The following DDAH1 variants were observed in gnomAD, a reference collection of about 807,000 sequenced individuals.
The protein encoded by DDAH1 is dimethylarginine dimethylaminohydrolase 1.
DDAH1 carries 19 observed loss-of-function variants against 28.8 expected under a neutral mutation model. That is an observed-to-expected ratio of 0.66 (90% CI 0.46 to 0.97). The LOEUF is 0.97. DDAH1 is among the 50% of genes least tolerant of loss of function. DDAH1 has a pLI of 0.00. For synonymous variants in DDAH1, 153 were observed against 154.4 expected, an observed-to-expected ratio of 0.99 and a Z score of 0.07; for missense variants, 326 against 375.9, an observed-to-expected ratio of 0.87 and a Z score of 1.10.
chr1:85,492,574 C>T (rs912008901), intron 2 of DDAH1, among the ~76,000 whole-genome samples: 3 of 152,068 alleles, frequency 2.0e-5, no homozygotes, highest in Non-Finnish European at 4.4e-5. Context: ...GATATCAGCA[C>T]GTGGAATTTC....
chr1:85,496,396 T>C (rs1238316212), intron 1 of DDAH1: 2 of 170,404 alleles, frequency 1.2e-5, no homozygotes, highest in Admixed American at 6.5e-5. Flanking sequence ...GAAAATTCAC[T>C]AAGGAAGAGC....
At chr1:85,548,298 C>T (rs1658685313) in intron 1 of DDAH1, among the ~76,000 whole-genome samples, 1 of 152,152 alleles carries the variant, frequency 6.6e-6, no homozygotes, top group African/African-American at 2.4e-5. Flanking sequence ...GTATAATTGT[C>T]ATCCACATTT....
chr1:85,340,517 T>A (rs1184906491), intron 4 of DDAH1, among the ~76,000 whole-genome samples: 1 of 152,084 alleles, frequency 6.6e-6, no homozygotes, highest in African/African-American at 2.4e-5. Flanking sequence ...TTTTTCTCCC[T>A]TTAAAGTCCA....
chr1:85,421,298 A>C (rs949235355), intron 1 of DDAH1, among the ~76,000 whole-genome samples: 1 of 152,168 alleles, frequency 6.6e-6, no homozygotes, highest in African/African-American at 2.4e-5. Context: ...TTTGTGTTGT[A>C]TCTTTTGTTT....
At chr1:85,338,905 G>A (rs971538654) in intron 4 of DDAH1, among the ~76,000 whole-genome samples, 1 of 151,644 alleles carries the variant, frequency 6.6e-6, no homozygotes, top group African/African-American at 2.4e-5. Context: ...AAATTAGCTG[G>A]GCGTGGTTGT....
intron 1 of DDAH1, among the ~76,000 whole-genome samples, chr1:85,397,988 C>T (rs1023914038): frequency 9.2e-6 from 1 of 109,020 alleles, no homozygotes; most frequent in African/African-American, 3.5e-5. Flanking sequence ...CCAAATAAAC[C>T]TCTTTTTTTT....
intron 1 of DDAH1, among the ~76,000 whole-genome samples, chr1:85,538,645 C>T (rs1250620831): frequency 5.9e-5 from 9 of 152,134 alleles, no homozygotes; most frequent in Non-Finnish European, 1.3e-4. Flanking sequence ...AAAAGAACAA[C>T]TCAAAGCTAC....
At chr1:85,379,127 C>A (rs1360126627) in intron 1 of DDAH1, among the ~76,000 whole-genome samples, 1 of 152,168 alleles carries the variant, frequency 6.6e-6, no homozygotes, top group Non-Finnish European at 1.5e-5. Flanking sequence ...CTCAAGGGAA[C>A]CGTATAATAT....
intron 1 of DDAH1, among the ~76,000 whole-genome samples, chr1:85,498,878 C>T (rs561878486): frequency 2.6e-5 from 4 of 152,084 alleles, no homozygotes; most frequent in Middle Eastern, 3.4e-3. Flanking sequence ...ACAGAGATCA[C>T]GCCACTGCCT....
chr1:85,537,331 C>G (rs2100781018), intron 1 of DDAH1, among the ~76,000 whole-genome samples: 1 of 150,640 alleles, frequency 6.6e-6, no homozygotes, highest in South Asian at 2.1e-4. Flanking sequence ...GAGGACCTGT[C>G]TCAAAAATAA....
intron 1 of DDAH1, among the ~76,000 whole-genome samples, chr1:85,533,376 G>T (rs1339057672): frequency 1.3e-5 from 2 of 150,982 alleles, no homozygotes; most frequent in South Asian, 4.2e-4. Flanking sequence ...TCACTATATT[G>T]TCCAGGGTGG....
chr1:85,344,622 A>AT lies in DDAH1; in HGVS notation c.597+5792dup, dbSNP rs1333327145. Among the ~76,000 whole-genome samples the AT allele has an allele frequency of 1.8e-3, 276 of 150,396 alleles. 1 individual carries two copies. The highest frequency in any genetic ancestry group is 3.0e-3 in the Non-Finnish European group (200 of 67,594). ...CCTTCATCTTTCCTTCCTTAAGAAA[A>AT]TTTTTTTTTCTCCAATTGACTGGAA... On this transcript the variant is annotated intron_variant, in intron 4 of 5. Transcript: ENST00000284031.
intron 1 of DDAH1, among the ~76,000 whole-genome samples, chr1:85,401,501 CTTTT>C (rs34520534): frequency 1.2e-4 from 12 of 103,352 alleles, no homozygotes; most frequent in African/African-American, 3.8e-4. Context: ...TTTTTTCTTT[CTTTT>C]TTTTTTTTTT....
chr1:85,465,233 G>A (rs1240787978), upstream of DDAH1: 1 of 1,105,782 alleles, frequency 9.0e-7, no homozygotes, highest in Non-Finnish European at 1.1e-6. Flanking sequence ...CCGGGCGCCG[G>A]CCCGCGCGCA....
chr1:85,514,231 G>T (rs1232362042), intron 1 of DDAH1, among the ~76,000 whole-genome samples: 1 of 152,166 alleles, frequency 6.6e-6, no homozygotes, highest in Non-Finnish European at 1.5e-5. Context: ...CATGTCCTTT[G>T]CAGGGACACG....
intron 1 of DDAH1, among the ~76,000 whole-genome samples, chr1:85,519,786 CATTA>C (rs1324745542): frequency 1.3e-5 from 2 of 151,892 alleles, no homozygotes. Context: ...AAAACACAAA[CATTA>C]ATTAATATAT....
intron 4 of DDAH1, among the ~76,000 whole-genome samples, chr1:85,335,456 C>T (rs1322562786): frequency 3.3e-5 from 5 of 151,694 alleles, no homozygotes; most frequent in East Asian, 3.9e-4. Flanking sequence ...CAAATATGGG[C>T]TGAAAGTAAA....
At chr1:85,392,089 C>T (rs1190452184) in intron 1 of DDAH1, among the ~76,000 whole-genome samples, 5 of 151,932 alleles carry the variant, frequency 3.3e-5, no homozygotes, top group Non-Finnish European at 5.9e-5. Context: ...CTACATTAAA[C>T]TCCATTTTTG....
At chr1:85,367,333 G>T (rs1182382146) in intron 1 of DDAH1, among the ~76,000 whole-genome samples, 1 of 152,070 alleles carries the variant, frequency 6.6e-6, no homozygotes, top group Non-Finnish European at 1.5e-5. Context: ...CTGAAGTCCT[G>T]TTCTAGTTAC....
Sources: gnomAD v4.1 joint callset for allele counts (sites outside exome capture counted in the v4.1 genomes callset) on GRCh38, gnomAD v4.1.1 for gene constraint, MANE v1.5 for transcripts, NCBI Gene and HGNC (gene_info 2026-07-23, HGNC 2026-07-21) for gene names.